Variants in MCU observed in about 807,000 individuals in gnomAD.
The protein encoded by MCU is calcium uniporter protein, mitochondrial.
In MCU, 12 loss-of-function variants were observed where a neutral mutation model predicts 45.2. That is an observed-to-expected ratio of 0.27 (90% CI 0.17 to 0.43). MCU has a LOEUF of 0.43. Among genes scored for constraint, MCU ranks in the 20% least tolerant of loss-of-function variants. The pLI, the probability that MCU is intolerant of heterozygous loss-of-function variation, is 1.00. For synonymous variants in MCU, 160 were observed against 165.1 expected (o/e 0.97, Z 0.24); for missense variants, 324 against 436.7 (o/e 0.74, Z 2.30).
chr10:72,768,544 G>T (rs764862731), intron 1 of MCU, among the ~76,000 whole-genome samples: 2 of 152,108 alleles, frequency 1.3e-5, no homozygotes, highest in Admixed American at 6.6e-5. Context: ...GGCTCAGAAG[G>T]TTGCATAGAA....
intron 1 of MCU, among the ~76,000 whole-genome samples, chr10:72,763,251 G>T (rs528963594): frequency 2.0e-5 from 3 of 152,068 alleles, no homozygotes; most frequent in Non-Finnish European, 4.4e-5. Context: ...CTAATTTTGA[G>T]GATTAGGGCA....
chr10:72,826,190 C>G (rs779829177), intron 1 of MCU, among the ~76,000 whole-genome samples: 2 of 152,132 alleles, frequency 1.3e-5, no homozygotes, highest in African/African-American at 4.8e-5. Flanking sequence ...TTAGAATCGA[C>G]ATTCTAACAA....
Position 72,827,489 on chromosome 10 carries a change from T to G in MCU, c.151-6870T>G, listed in dbSNP as rs11000422. The stretch of plus-strand genomic sequence containing the variant: ...CAGTAAAACAACAAATCTTCAAATG[T>G]TTTTTACATTGGTATCTAAAGAGAT... On this transcript the variant is annotated intron_variant, in intron 1 of 7. Transcript: ENST00000373053. 5.9e-4 allele frequency among the ~76,000 whole-genome samples: 90 copies of G among 152,288 alleles called. No individual in the cohort carries two copies. The East Asian group carries it at 8.5e-3, about 14-fold the overall frequency.
intron 1 of MCU, among the ~76,000 whole-genome samples, chr10:72,776,073 T>C (rs1046356891): frequency 6.6e-6 from 1 of 151,610 alleles, no homozygotes; most frequent in Non-Finnish European, 1.5e-5. Flanking sequence ...GAGGCTAAGG[T>C]GGGAGGATTG....
intron 1 of MCU, among the ~76,000 whole-genome samples, chr10:72,799,244 A>T (rs1469045956): frequency 5.9e-5 from 9 of 152,196 alleles, no homozygotes; most frequent in African/African-American, 9.6e-5. Context: ...TCTTTTTAAA[A>T]GCTATGTAGT....
chr10:72,769,444 T>A (rs896837161), intron 1 of MCU, among the ~76,000 whole-genome samples: 1 of 152,160 alleles, frequency 6.6e-6, no homozygotes, highest in Non-Finnish European at 1.5e-5. Flanking sequence ...CTATTTTATT[T>A]ATTTTTCATT....
Position 72,736,925 on chromosome 10 carries a change from AAG to A in MCU, c.150+44627_150+44628del, listed in dbSNP as rs1380490195. Among the ~76,000 whole-genome samples, 4 of 152,374 alleles carry A rather than the reference AAG, an allele frequency of 2.6e-5. No individual in the cohort carries two copies. In the East Asian group the frequency reaches 7.7e-4, roughly 29 times the overall value. On this transcript the variant is annotated intron_variant, in intron 1 of 7. Coordinates refer to ENST00000373053, the MANE Select transcript of MCU (RefSeq NM_138357.3). ...GGAAAAATGTGTTAGCATTTGCTAAAAGAGCTTTCACAGGCTGGTCGCTTTCA... is the reference window on the plus strand; with the variant it reads ...GGAAAAATGTGTTAGCATTTGCTAAAAGCTTTCACAGGCTGGTCGCTTTCA...
chr10:72,769,041 A>G (rs904962975), intron 1 of MCU, among the ~76,000 whole-genome samples: 1 of 151,000 alleles, frequency 6.6e-6, no homozygotes, highest in African/African-American at 2.4e-5. Context: ...CTTTTAAGAG[A>G]TATAGTCTTG....
chr10:72,860,485 G>A lies in MCU; in HGVS notation c.454G>A (p.Val152Ile). 6.2e-7 allele frequency: 1 copy of A among 1,613,938 alleles called. No individual in the cohort carries two copies. Among genetic ancestry groups the A allele is most frequent in the East Asian group, 2.2e-5 (1 of 44,858 alleles). The change falls in exon 4 of 8, where the codon GTC becomes ATC. Residue 152 changes from valine (V) to isoleucine (I), a missense_variant. Physicochemically the swap from Val to Ile is conservative, Grantham distance 29. Transcript: ENST00000373053. ...DLLLLDDFKLVINDLTYHVRP... is the reference protein window; with the variant it reads ...DLLLLDDFKLIINDLTYHVRP... The stretch of plus-strand genomic sequence containing the variant: ...CCTCCTCCTTGATGACTTTAAGCTG[G>A]TCATTAATGACTTAACATACCACGT...
At chr10:72,882,415 G>A (rs1188439803) in intron 6 of MCU, among the ~76,000 whole-genome samples, 1 of 152,198 alleles carries the variant, frequency 6.6e-6, no homozygotes, top group Non-Finnish European at 1.5e-5. Context: ...GCAAATGGGA[G>A]AAATATCGCT....
chr10:72,693,527 G>C (rs1842651331), intron 1 of MCU, among the ~76,000 whole-genome samples: 1 of 152,152 alleles, frequency 6.6e-6, no homozygotes, highest in Admixed American at 6.5e-5. Context: ...TCTTCGGAGA[G>C]GATACTCCTA....
intron 1 of MCU, among the ~76,000 whole-genome samples, chr10:72,756,231 C>T (rs2132716704): frequency 6.6e-6 from 1 of 152,256 alleles, no homozygotes; most frequent in South Asian, 2.1e-4. Context: ...AAGCAATCTT[C>T]CTGCCTCAGC....
chr10:72,696,181 AAAAATTTTTTTTTTTTTTTTTTT>A (rs2132642593), intron 1 of MCU, among the ~76,000 whole-genome samples: 1 of 150,170 alleles, frequency 6.7e-6, no homozygotes, highest in African/African-American at 2.4e-5. Context: ...AAAAAAAAAA[AAAAATTTTTTTTTTTTTTTTTTT>A]TTGGTAGAGA....
At chr10:72,709,093 GAAGA>G (rs1388882660) in intron 1 of MCU, among the ~76,000 whole-genome samples, 1 of 152,162 alleles carries the variant, frequency 6.6e-6, no homozygotes, top group African/African-American at 2.4e-5. Flanking sequence ...GGACACTGCA[GAAGA>G]GAGAAAGGAA....
intron 1 of MCU, among the ~76,000 whole-genome samples, chr10:72,696,159 C>A (rs1267842999): frequency 2.3e-5 from 2 of 88,742 alleles, no homozygotes; most frequent in Non-Finnish European, 4.0e-5. Flanking sequence ...GAAACTCCGA[C>A]TCAAAAAAAA....
intron 4 of MCU, among the ~76,000 whole-genome samples, chr10:72,862,572 T>C (rs981667128): frequency 6.6e-6 from 1 of 152,158 alleles, no homozygotes; most frequent in African/African-American, 2.4e-5. Flanking sequence ...CAATTTACAA[T>C]AGGGTTTGTG....
Position 72,765,197 on chromosome 10 carries a change from G to A in MCU, c.151-69162G>A, listed in dbSNP as rs188952128. Among the ~76,000 whole-genome samples, 105 of 152,052 alleles carry A rather than the reference G, an allele frequency of 6.9e-4. 2 individuals are homozygous for A. Among genetic ancestry groups the A allele is most frequent in the Non-Finnish European group, 3.1e-4 (21 of 67,994 alleles). ...CGGTCTATAAATTCAGTTGTTGATA[G>A]CATAGTGCAGTTAATTTACAACTAT... On this transcript the variant is annotated intron_variant, in intron 1 of 7. Transcript: ENST00000373053.
chr10:72,758,552 C>G (rs1843610377), intron 1 of MCU, among the ~76,000 whole-genome samples: 1 of 152,078 alleles, frequency 6.6e-6, no homozygotes, highest in Admixed American at 6.6e-5. Flanking sequence ...CTAAGGCAGT[C>G]TATTTCTTTT....
intron 1 of MCU, among the ~76,000 whole-genome samples, chr10:72,741,425 CTAAA>C (rs1437102955): frequency 6.6e-6 from 1 of 152,068 alleles, no homozygotes; most frequent in Non-Finnish European, 1.5e-5. Flanking sequence ...TTGACCATAA[CTAAA>C]TACAGATTTC....
Sources: gnomAD v4.1 joint callset for allele counts (sites outside exome capture counted in the v4.1 genomes callset) on GRCh38, gnomAD v4.1.1 for gene constraint, MANE v1.5 for transcripts, NCBI Gene and HGNC (gene_info 2026-07-23, HGNC 2026-07-21) for gene names.